The following TNS3 variants were observed in gnomAD, a reference collection of about 807,000 sequenced individuals.
TNS3 encodes tensin-3.
Under a neutral mutation model 140.9 loss-of-function variants are expected in TNS3, and 45 were observed. That is an observed-to-expected ratio of 0.32 (90% CI 0.25 to 0.41). The LOEUF (loss-of-function observed/expected upper bound fraction) is 0.41. Among genes scored for constraint, TNS3 ranks in the 10% least tolerant of loss-of-function variants. The pLI is 1.00. For missense variants in TNS3, 1,716 were observed against 1,906.7 expected, an observed-to-expected ratio of 0.90 and a Z score of 1.86; for synonymous variants, 815 against 788.4, an observed-to-expected ratio of 1.03 and a Z score of -0.56.
In TNS3 at chr7:47,285,329, G is replaced by A. The variant is rs2150568010; in HGVS notation, c.3929-1464C>T. 1.3e-5 allele frequency among the ~76,000 whole-genome samples: 2 copies of A among 152,318 alleles called. 1 individual carries two copies. Among genetic ancestry groups the A allele is most frequent in the South Asian group, 4.1e-4 (2 of 4,824 alleles). On this transcript the variant is annotated intron_variant, in intron 27 of 30. Coordinates refer to ENST00000311160, the MANE Select transcript of TNS3 (RefSeq NM_022748.12). Reference sequence around the variant, plus strand: ...CCCCACCCAAATCTCATCTTGAATTGTAGCTCCCATAATTCCCATGTGTGG... The same window carrying A: ...CCCCACCCAAATCTCATCTTGAATTATAGCTCCCATAATTCCCATGTGTGG...
At chr7:47,484,197 T>C (rs771159443) in intron 3 of TNS3, among the ~76,000 whole-genome samples, 7 of 152,148 alleles carry the variant, frequency 4.6e-5, no homozygotes, top group African/African-American at 1.7e-4. Context: ...GAAAGACCTT[T>C]TGTGGGAGTG....
chr7:47,313,343 C>T (rs968929619), intron 20 of TNS3, among the ~76,000 whole-genome samples: 5 of 152,130 alleles, frequency 3.3e-5, no homozygotes, highest in African/African-American at 1.2e-4. Context: ...CTAGCAAAGG[C>T]TTAGAGGTTA....
intron 15 of TNS3, 104 bp from the exon 16 acceptor site, chr7:47,397,008 A>G (rs1792875459): frequency 1.3e-6 from 1 of 788,768 alleles, no homozygotes; most frequent in African/African-American, 1.7e-5. Context: ...TGAGCAGGAG[A>G]GAGAAGCCTC....
At chr7:47,445,083 T>A (rs1795661671) in intron 4 of TNS3, among the ~76,000 whole-genome samples, 1 of 152,172 alleles carries the variant, frequency 6.6e-6, no homozygotes, top group Non-Finnish European at 1.5e-5. Flanking sequence ...CAATTTTCTA[T>A]GTAAGTCTAC....
At chr7:47,533,324 G>T (rs1201170608) in intron 1 of TNS3, among the ~76,000 whole-genome samples, 13 of 150,238 alleles carry the variant, frequency 8.7e-5, no homozygotes, top group Admixed American at 8.6e-4. Context: ...TAGAGACAGG[G>T]TTTCACCATG....
intron 20 of TNS3, among the ~76,000 whole-genome samples, chr7:47,318,024 G>T (rs920940477): frequency 6.6e-6 from 1 of 151,990 alleles, no homozygotes; most frequent in Non-Finnish European, 1.5e-5. Context: ...TCACTTTTTC[G>T]TACACCAACT....
At position 47,374,211 on chromosome 7, in the gene TNS3, C is replaced by A. The variant is rs537870591; in HGVS notation, c.1025-4590G>T. On this transcript the variant is annotated intron_variant, in intron 16 of 30. Transcript: ENST00000311160. ...AAGCATGGGCCAGAGATCCAGGGAA[C>A]ATTTGAACATTATCTGGCCACAGTG... is the stretch of plus-strand genomic sequence containing the variant. Among the ~76,000 whole-genome samples the A allele has an allele frequency of 2.0e-5, 3 of 152,320 alleles. No homozygotes were observed. In the East Asian group the frequency reaches 5.8e-4, roughly 29 times the overall value.
chr7:47,572,338 T>TCA, intron 1 of TNS3, among the ~76,000 whole-genome samples: 1 of 152,112 alleles, frequency 6.6e-6, no homozygotes, highest in Non-Finnish European at 1.5e-5. Flanking sequence ...CGCGCGGTAG[T>TCA]CACACACACA....
At chr7:47,452,934 G>A in intron 4 of TNS3, 3 of 985,520 alleles carry the variant, frequency 3.0e-6, no homozygotes, top group Non-Finnish European at 3.6e-6. Context: ...GGAACTTACT[G>A]TGCTGGGCCT....
chr7:47,502,245 G>T (rs996907697), intron 3 of TNS3, among the ~76,000 whole-genome samples: 4 of 152,180 alleles, frequency 2.6e-5, no homozygotes, highest in South Asian at 2.1e-4. Context: ...GTCAATCCCT[G>T]GGACCCAGCA....
chr7:47,355,796 T>C (rs185870837), intron 17 of TNS3, among the ~76,000 whole-genome samples: 1 of 152,294 alleles, frequency 6.6e-6, no homozygotes, highest in African/African-American at 2.4e-5. Context: ...TGATTCAGAC[T>C]GCTCTTGGAG....
intron 4 of TNS3, among the ~76,000 whole-genome samples, chr7:47,467,074 T>C (rs1796749999): frequency 6.6e-6 from 1 of 152,206 alleles, no homozygotes; most frequent in Admixed American, 6.5e-5. Context: ...GTTAGATAAT[T>C]ACATCTGTGT....
intron 4 of TNS3, among the ~76,000 whole-genome samples, chr7:47,444,531 A>G (rs1795627870): frequency 6.6e-6 from 1 of 152,244 alleles, no homozygotes; most frequent in East Asian, 1.9e-4. Context: ...GTGATGGGGT[A>G]GGAGTGTCAC....
chr7:47,455,914 C>T (rs1796226826), intron 4 of TNS3, among the ~76,000 whole-genome samples: 1 of 152,170 alleles, frequency 6.6e-6, no homozygotes. Flanking sequence ...AATGGAGGCA[C>T]ACTGCGTGTG....
chr7:47,399,562 T>C (rs568884938), intron 15 of TNS3, among the ~76,000 whole-genome samples: 8 of 152,116 alleles, frequency 5.3e-5, no homozygotes, highest in Non-Finnish European at 1.2e-4. Flanking sequence ...TATAAAAACA[T>C]AAACTGGGGA....
Position 47,344,801 on chromosome 7 carries a change from A to G in TNS3, c.2604T>C (p.Pro868=), listed in dbSNP as rs1214339711. Reference sequence around the variant, plus strand: ...TGGCTGGGCTGCTCAGCGGGGGCTCAGGTGGGCTGAACGGAGGATGGCGCA... The same window carrying G: ...TGGCTGGGCTGCTCAGCGGGGGCTCGGGTGGGCTGAACGGAGGATGGCGCA... ...TALRHPPFSP[P]EPPLSSPASQ... The change falls in exon 20 of 31, where the codon CCT becomes CCC. Residue 868 remains proline, a synonymous_variant. Coordinates refer to ENST00000311160, the MANE Select transcript of TNS3 (RefSeq NM_022748.12). 1.9e-6 allele frequency: 3 copies of G among 1,613,352 alleles called. No homozygotes were observed. The highest frequency in any genetic ancestry group is 2.2e-5 in the South Asian group (2 of 91,060).
chr7:47,298,693 A>T (rs1033847805), intron 23 of TNS3, among the ~76,000 whole-genome samples: 1 of 152,244 alleles, frequency 6.6e-6, no homozygotes, highest in African/African-American at 2.4e-5. Context: ...TGCCTCAGTA[A>T]ATACCTCCAC....
intron 17 of TNS3, among the ~76,000 whole-genome samples, chr7:47,349,998 T>C (rs1789571596): frequency 6.6e-6 from 1 of 152,200 alleles, no homozygotes; most frequent in Non-Finnish European, 1.5e-5. Flanking sequence ...CCACACAGCA[T>C]GTCAGCAGAG....
chr7:47,322,201 AAGT>A (rs934011556), intron 20 of TNS3, among the ~76,000 whole-genome samples: 1 of 146,694 alleles, frequency 6.8e-6, no homozygotes, highest in Non-Finnish European at 1.5e-5. Context: ...CATGAGAGTG[AAGT>A]AGAACGGGCA....
Sources: gnomAD v4.1 joint callset for allele counts (sites outside exome capture counted in the v4.1 genomes callset) on GRCh38, gnomAD v4.1.1 for gene constraint, MANE v1.5 for transcripts, NCBI Gene and HGNC (gene_info 2026-07-23, HGNC 2026-07-21) for gene names.